MAFA: variants seen among roughly 807,000 people sequenced by gnomAD.
MAFA encodes the protein transcription factor MafA.
For missense variants in MAFA, 547 were observed against 538.0 expected (o/e 1.02, Z -0.16); for synonymous variants, 244 against 260.3 (o/e 0.94, Z 0.60).
chr8:143,429,703 A>T lies in MAFA; in HGVS notation c.704T>A (p.Met235Lys). 6.4e-7 allele frequency: 1 copy of T among 1,567,904 alleles called. No individual in the cohort carries two copies. Among genetic ancestry groups the T allele is most frequent in the Non-Finnish European group, 8.6e-7 (1 of 1,164,656 alleles). Residue 235 changes from methionine (M) to lysine (K), a missense_variant, in exon 1 of 1, where the codon ATG (methionine) becomes AAG (lysine). Transcript: ENST00000333480. The surrounding 1 kb of genome is among the most constrained non-coding windows in gnomAD (Gnocchi z 5.9). The stretch of plus-strand genomic sequence containing the variant: ...CTGCCGGTTCAGCTCGCGCACCGAC[A>T]TGGACACCAGCTGGTCGTCGGAGAA... Reference protein sequence around the residue: ...ERFSDDQLVSMSVRELNRQLR... With the variant: ...ERFSDDQLVSKSVRELNRQLR...
rs2129753395 is a variant in MAFA, at chr8:143,428,981, G to A, written c.*364C>T. 1 of 181,488 alleles carries A rather than the reference G, an allele frequency of 5.5e-6. No homozygotes were observed. 11.2% of individuals were successfully genotyped at this position (181,488 alleles called of 1,614,324 possible). A position where few individuals can be genotyped will look rare whatever the true frequency, so the allele number is the denominator to read the frequency against. On this transcript the variant is annotated 3_prime_UTR_variant, in exon 1 of 1. Transcript: ENST00000333480. The stretch of plus-strand genomic sequence containing the variant: ...GAACGAAGGAGGGCGGGGGCAGGCA[G>A]GGGCCACCCGGGAAGGGACGGCAGC...
At position 143,430,356 on chromosome 8, in the gene MAFA, G is replaced by A; in HGVS notation, c.51C>T (p.Ala17=). 1.4e-6 allele frequency: 2 copies of A among 1,444,944 alleles called. No individual in the cohort carries two copies. The highest frequency in any genetic ancestry group is 1.8e-6 in the Non-Finnish European group (2 of 1,084,266). The allele number at this position is 1,444,944 out of a possible 1,614,324, so 89.5% of individuals were successfully genotyped here. A position where few individuals can be genotyped will look rare whatever the true frequency, so the allele number is the denominator to read the frequency against. Residue 17 remains alanine, a synonymous_variant, in exon 1 of 1, where the codon GCC becomes GCT. Coordinates refer to ENST00000333480, the MANE Select transcript of MAFA (RefSeq NM_201589.4). Reference sequence around the variant, plus strand: ...GGTCGAAGTCGTTGACGTACTCGATGGCCAGCGGGCTGCTGGGCAGCTCGG... The same window carrying A: ...GGTCGAAGTCGTTGACGTACTCGATAGCCAGCGGGCTGCTGGGCAGCTCGG... ...MGAELPSSPL[A]IEYVNDFDLM...
In MAFA at chr8:143,429,909, G is replaced by C; in HGVS notation, c.498C>G (p.Phe166Leu). The C allele has an allele frequency of 7.7e-7, 1 of 1,299,182 alleles. No individual in the cohort carries two copies. The highest frequency in any genetic ancestry group is 9.7e-7 in the Non-Finnish European group (1 of 1,030,664). 80.5% of individuals were successfully genotyped at this position (1,299,182 alleles called of 1,614,324 possible). A position where few individuals can be genotyped will look rare whatever the true frequency, so the allele number is the denominator to read the frequency against. Residue 166 changes from phenylalanine (F) to leucine (L), a missense_variant, in exon 1 of 1, where the codon TTC becomes TTG. Transcript: ENST00000333480. The surrounding 1 kb of genome is among the most constrained non-coding windows in gnomAD (Gnocchi z 5.9). The part of the protein sequence containing the change: ...HPAAAAAYEA[F>L]RGPGFAGGGG... ...CGCCGCCCGCGAAGCCCGGGCCGCGGAAAGCCTCGTAGGCTGCGGCGGCCG... is the reference window on the plus strand; with the variant it reads ...CGCCGCCCGCGAAGCCCGGGCCGCGCAAAGCCTCGTAGGCTGCGGCGGCCG...
Position 143,430,632 on chromosome 8 carries a change from GCCCGCGTCGCCGCCTCCTC to G in MAFA, c.-245_-227del, listed in dbSNP as rs1819527461. ...GGCCAGGTGTCTCGGGCGACCCCGG[GCCCGCGTCGCCGCCTCCTC>G]CCCGCGGCCGCCGCCTCGGGCTGCT... On this transcript the variant is annotated 5_prime_UTR_variant, in exon 1 of 1. Transcript: ENST00000333480. Among the ~76,000 whole-genome samples the G allele has an allele frequency of 8.6e-6, 1 of 115,774 alleles. No homozygotes were observed. The highest frequency in any genetic ancestry group is 8.3e-5 in the Admixed American group (1 of 12,002). The allele number at this position is 115,774 out of a possible 152,430, so 76.0% of individuals were successfully genotyped here.
In MAFA at chr8:143,429,790, T is replaced by C; in HGVS notation, c.617A>G (p.His206Arg). ...GCCGTGTCCCGCGCCGCCATGGTGG[T>C]GGTGGTGGTGGTGGTGGTGGTGGGC... ...HAAHHHHHHH[H>R]HHGGAGHGGG... The change falls in exon 1 of 1, where the codon CAC (histidine) becomes CGC (arginine). Residue 206 changes from histidine to arginine, a missense_variant. Coordinates refer to ENST00000333480, the MANE Select transcript of MAFA (RefSeq NM_201589.4). This position sits in a 1 kb window ranked among gnomAD's most constrained non-coding sequence, Gnocchi z 5.9. The C allele has an allele frequency of 1.7e-6, 2 of 1,149,812 alleles. No individual in the cohort carries two copies. The highest frequency in any genetic ancestry group is 1.2e-6 in the Non-Finnish European group (1 of 833,928). 71.2% of individuals were successfully genotyped at this position (1,149,812 alleles called of 1,614,324 possible).
Position 143,429,452 on chromosome 8 carries a change from C to T in MAFA, c.955G>A (p.Gly319Ser). Reference sequence around the variant, plus strand: ...CCCGCGCTCCCGGGGCCGCCCCGGCCCGCCAGCTTCTCGTATTTCTCCTTG... The same window carrying T: ...CCCGCGCTCCCGGGGCCGCCCCGGCTCGCCAGCTTCTCGTATTTCTCCTTG... ...LYKEKYEKLAGRGGPGSAGGA... is the reference protein window; with the variant it reads ...LYKEKYEKLASRGGPGSAGGA... The change falls in exon 1 of 1, where the codon GGC (glycine) becomes AGC (serine). Residue 319 changes from glycine (G) to serine (S), a missense_variant. Gly to Ser is a moderately conservative substitution (Grantham distance 56). Coordinates refer to ENST00000333480, the MANE Select transcript of MAFA (RefSeq NM_201589.4). This position sits in a 1 kb window ranked among gnomAD's most constrained non-coding sequence, Gnocchi z 5.9. 1.3e-6 allele frequency: 2 copies of T among 1,576,756 alleles called. No homozygotes were observed. The highest frequency in any genetic ancestry group is 1.8e-5 in the Admixed American group (1 of 56,756).
At position 143,430,322 on chromosome 8, in the gene MAFA, A is replaced by C; in HGVS notation, c.85T>G (p.Phe29Val). 1.4e-6 allele frequency: 2 copies of C among 1,449,192 alleles called. No individual in the cohort carries two copies. The highest frequency in any genetic ancestry group is 1.8e-6 in the Non-Finnish European group (2 of 1,085,872). 89.8% of individuals were successfully genotyped at this position (1,449,192 alleles called of 1,614,324 possible). The change falls in exon 1 of 1, where the codon TTC (phenylalanine) becomes GTC (valine). Residue 29 changes from phenylalanine to valine, a missense_variant. Transcript: ENST00000333480. ...TCGGGAGGCTCCTTCTTCACCTCGA[A>C]CTTCATCAGGTCGAAGTCGTTGACG... is the stretch of plus-strand genomic sequence containing the variant. ...EYVNDFDLMK[F>V]EVKKEPPEAE...
At position 143,430,570 on chromosome 8, in the gene MAFA, G is replaced by C. The variant is rs1563825470; in HGVS notation, c.-164C>G. Among the ~76,000 whole-genome samples, 1 of 145,710 alleles carries C rather than the reference G, an allele frequency of 6.9e-6. No individual in the cohort carries two copies. The highest frequency in any genetic ancestry group is 2.1e-4 in the South Asian group (1 of 4,784). On this transcript the variant is annotated 5_prime_UTR_variant, in exon 1 of 1. Transcript: ENST00000333480. ...CGAGGGGCGCAGGGAAAAGTTTCAC[G>C]TGGTCAACTCCGGGGCGGCGCGCTA...
In MAFA at chr8:143,428,882, T is replaced by C. The variant is rs977054987; in HGVS notation, c.*463A>G. On this transcript the variant is annotated 3_prime_UTR_variant, in exon 1 of 1. Transcript: ENST00000333480. Reference sequence around the variant, plus strand: ...AATCACCAAGCATAATAATTATAAATACTTCGAAAATAAGACCGATTTTAA... The same window carrying C: ...AATCACCAAGCATAATAATTATAAACACTTCGAAAATAAGACCGATTTTAA... 6.6e-6 allele frequency: 1 copy of C among 152,476 alleles called. No homozygotes were observed. Among genetic ancestry groups the C allele is most frequent in the African/African-American group, 2.4e-5 (1 of 41,260 alleles). 9.4% of individuals were successfully genotyped at this position (152,476 alleles called of 1,614,324 possible). A position where few individuals can be genotyped will look rare whatever the true frequency, so the allele number is the denominator to read the frequency against.
Position 143,430,278 on chromosome 8 carries a change from G to T in MAFA, c.129C>A (p.His43Gln). ...KEPPEAERFC[H>Q]RLPPGSLSST... ...AGGACAGCGAGCCTGGCGGCAGGCG[G>T]TGGCAGAAGCGCTCGGCCTCGGGAG... The change falls in exon 1 of 1, where the codon CAC (histidine) becomes CAA (glutamine). Residue 43 changes from histidine (H) to glutamine (Q), a missense_variant. His to Gln is a conservative substitution (Grantham distance 24). Transcript: ENST00000333480. The T allele has an allele frequency of 6.9e-7, 1 of 1,451,252 alleles. No homozygotes were observed. The highest frequency in any genetic ancestry group is 9.2e-7 in the Non-Finnish European group (1 of 1,088,696). 89.9% of individuals were successfully genotyped at this position (1,451,252 alleles called of 1,614,324 possible).
At position 143,430,364 on chromosome 8, in the gene MAFA, G is replaced by A. The variant is rs1432081801; in HGVS notation, c.43C>T (p.Pro15Ser). 17 of 1,436,106 alleles carry A rather than the reference G, an allele frequency of 1.2e-5. No homozygotes were observed. Among genetic ancestry groups the A allele is most frequent in the South Asian group, 1.2e-5 (1 of 80,568 alleles). 89.0% of individuals were successfully genotyped at this position (1,436,106 alleles called of 1,614,324 possible). A position where few individuals can be genotyped will look rare whatever the true frequency, so the allele number is the denominator to read the frequency against. ...TCGTTGACGTACTCGATGGCCAGCG[G>A]GCTGCTGGGCAGCTCGGCGCCCATC... ...LAMGAELPSS[P>S]LAIEYVNDFD... The change falls in exon 1 of 1, where the codon CCG becomes TCG. Residue 15 changes from proline to serine, a missense_variant. Pro to Ser is a moderately conservative substitution (Grantham distance 74). Transcript: ENST00000333480.
Position 143,430,656 on chromosome 8 carries a change from C to CGGCCGCCGCCTCCTCCCCGT in MAFA, c.-251_-250insACGGGGAGGAGGCGGCGGCC, listed in dbSNP as rs1419410503. 6.8e-6 allele frequency among the ~76,000 whole-genome samples: 1 copy of CGGCCGCCGCCTCCTCCCCGT among 146,970 alleles called. No individual in the cohort carries two copies. Among genetic ancestry groups the CGGCCGCCGCCTCCTCCCCGT allele is most frequent in the Non-Finnish European group, 1.5e-5 (1 of 66,112 alleles). ...GGCCCGCGTCGCCGCCTCCTCCCCG[C>CGGCCGCCGCCTCCTCCCCGT]GGCCGCCGCCTCGGGCTGCTCCGGG... On this transcript the variant is annotated 5_prime_UTR_variant, in exon 1 of 1. Coordinates refer to ENST00000333480, the MANE Select transcript of MAFA (RefSeq NM_201589.4).
chr8:143,428,372 C>A lies in MAFA; in HGVS notation c.*973G>T, dbSNP rs903336646. On this transcript the variant is annotated 3_prime_UTR_variant, in exon 1 of 1. Coordinates refer to ENST00000333480, the MANE Select transcript of MAFA (RefSeq NM_201589.4). ...AAGCATTAAAGAAAGATTCCACAAA[C>A]AAAACGAAACACAATTTAAATTAAA... The A allele has an allele frequency of 6.6e-6, 1 of 152,210 alleles. No homozygotes were observed. Among genetic ancestry groups the A allele is most frequent in the Non-Finnish European group, 1.5e-5 (1 of 68,048 alleles). 9.4% of individuals were successfully genotyped at this position (152,210 alleles called of 1,614,324 possible).
Position 143,429,479 on chromosome 8 carries a change from A to G in MAFA, c.928T>C (p.Tyr310His), listed in dbSNP as rs200756485. 25 of 1,602,686 alleles carry G rather than the reference A, an allele frequency of 1.6e-5. No homozygotes were observed. Among genetic ancestry groups the G allele is most frequent in the Non-Finnish European group, 2.1e-5 (25 of 1,178,926 alleles). ...GCCAGCTTCTCGTATTTCTCCTTGTACAGGTCCCGCTCTTTGGCCAGGCGC... is the reference window on the plus strand; with the variant it reads ...GCCAGCTTCTCGTATTTCTCCTTGTGCAGGTCCCGCTCTTTGGCCAGGCGC... ...VGRLAKERDL[Y>H]KEKYEKLAGR... The change falls in exon 1 of 1, where the codon TAC (tyrosine) becomes CAC (histidine). Residue 310 changes from tyrosine (Y) to histidine (H), a missense_variant. Tyr to His is a moderately conservative substitution (Grantham distance 83). Coordinates refer to ENST00000333480, the MANE Select transcript of MAFA (RefSeq NM_201589.4). This position sits in a 1 kb window ranked among gnomAD's most constrained non-coding sequence, Gnocchi z 5.9.
chr8:143,429,461 T>G lies in MAFA; in HGVS notation c.946A>C (p.Lys316Gln). Reference protein sequence around the residue: ...ERDLYKEKYEKLAGRGGPGSA... With the variant: ...ERDLYKEKYEQLAGRGGPGSA... ...CCGGGGCCGCCCCGGCCCGCCAGCT[T>G]CTCGTATTTCTCCTTGTACAGGTCC... Residue 316 changes from lysine to glutamine, a missense_variant, in exon 1 of 1, where the codon AAG (lysine) becomes CAG (glutamine). Physicochemically the swap from Lys to Gln is moderately conservative, Grantham distance 53. Coordinates refer to ENST00000333480, the MANE Select transcript of MAFA (RefSeq NM_201589.4). This position sits in a 1 kb window ranked among gnomAD's most constrained non-coding sequence, Gnocchi z 5.9. 5 of 1,580,772 alleles carry G rather than the reference T, an allele frequency of 3.2e-6. No homozygotes were observed. The highest frequency in any genetic ancestry group is 4.3e-6 in the Non-Finnish European group (5 of 1,170,948).
At position 143,429,621 on chromosome 8, in the gene MAFA, G is replaced by C. The variant is rs1442348143; in HGVS notation, c.786C>G (p.Leu262=). The change falls in exon 1 of 1, where the codon CTC becomes CTG. Residue 262 remains leucine (L), a synonymous_variant. Transcript: ENST00000333480. This position sits in a 1 kb window ranked among gnomAD's most constrained non-coding sequence, Gnocchi z 5.9. Reference sequence around the variant, plus strand: ...AGGACTGCGCGTAGCCGCGGTTCTTGAGCGTGCGCCGCTTCTGCTTGAGCC... The same window carrying C: ...AGGACTGCGCGTAGCCGCGGTTCTTCAGCGTGCGCCGCTTCTGCTTGAGCC... The part of the protein sequence containing the change: ...VIRLKQKRRT[L]KNRGYAQSCR... 1.3e-6 allele frequency: 2 copies of C among 1,595,760 alleles called. No individual in the cohort carries two copies. Among genetic ancestry groups the C allele is most frequent in the African/African-American group, 1.3e-5 (1 of 74,744 alleles).
In MAFA at chr8:143,430,371, G is replaced by C. The variant is rs1258786230; in HGVS notation, c.36C>G (p.Pro12=). 2 of 1,425,384 alleles carry C rather than the reference G, an allele frequency of 1.4e-6. No homozygotes were observed. Among genetic ancestry groups the C allele is most frequent in the Non-Finnish European group, 1.9e-6 (2 of 1,074,824 alleles). 88.3% of individuals were successfully genotyped at this position (1,425,384 alleles called of 1,614,324 possible). Residue 12 remains proline, a synonymous_variant, in exon 1 of 1, where the codon CCC becomes CCG. Transcript: ENST00000333480. The part of the protein sequence containing the change: ...AAELAMGAEL[P]SSPLAIEYVN... ...CGTACTCGATGGCCAGCGGGCTGCTGGGCAGCTCGGCGCCCATCGCCAGCT... is the reference window on the plus strand; with the variant it reads ...CGTACTCGATGGCCAGCGGGCTGCTCGGCAGCTCGGCGCCCATCGCCAGCT...
chr8:143,429,282 G>A lies in MAFA; in HGVS notation c.*63C>T, dbSNP rs904379116. 18 of 1,286,330 alleles carry A rather than the reference G, an allele frequency of 1.4e-5. No homozygotes were observed. The highest frequency in any genetic ancestry group is 3.3e-5 in the East Asian group (1 of 30,308). The allele number at this position is 1,286,330 out of a possible 1,614,324, so 79.7% of individuals were successfully genotyped here. On this transcript the variant is annotated 3_prime_UTR_variant, in exon 1 of 1. Transcript: ENST00000333480. This position sits in a 1 kb window ranked among gnomAD's most constrained non-coding sequence, Gnocchi z 5.9. Reference sequence around the variant, plus strand: ...TCCTGTACCGCGGAGTCCGAGCCGAGGCCCCGAGAGGCCTGCGCGAACTTG... The same window carrying A: ...TCCTGTACCGCGGAGTCCGAGCCGAAGCCCCGAGAGGCCTGCGCGAACTTG...
rs1258981597 is a variant in MAFA, at chr8:143,429,577, T to C, written c.830A>G (p.Gln277Arg). The change falls in exon 1 of 1, where the codon CAG becomes CGG. Residue 277 changes from glutamine (Q) to arginine (R), a missense_variant. By Grantham distance (43) the Gln-to-Arg change is conservative. Transcript: ENST00000333480. The surrounding 1 kb of genome is among the most constrained non-coding windows in gnomAD (Gnocchi z 5.9). ...CTCGCTCTCCAGAATGTGCCGCTGCTGCACCCGCTTGAAGCGGCAGGACTG... is the reference window on the plus strand; with the variant it reads ...CTCGCTCTCCAGAATGTGCCGCTGCCGCACCCGCTTGAAGCGGCAGGACTG... Reference protein sequence around the residue: ...YAQSCRFKRVQQRHILESEKC... With the variant: ...YAQSCRFKRVRQRHILESEKC... 1.2e-6 allele frequency: 2 copies of C among 1,603,800 alleles called. No homozygotes were observed. The highest frequency in any genetic ancestry group is 4.5e-5 in the East Asian group (2 of 44,762).
Sources: gnomAD v4.1 joint callset for allele counts (sites outside exome capture counted in the v4.1 genomes callset) on GRCh38, gnomAD v4.1.1 for gene constraint, Gnocchi (gnomAD v3.1) non-coding constraint, MANE v1.5 for transcripts, NCBI Gene and HGNC (gene_info 2026-07-23, HGNC 2026-07-21) for gene names.